NTN1: variants seen among roughly 807,000 people sequenced by gnomAD.
The protein encoded by NTN1 is netrin-1.
Under a neutral mutation model 54.2 loss-of-function variants are expected in NTN1, and 11 were observed. The ratio of observed to expected loss-of-function variants is 0.20; its 90% confidence interval spans 0.13 to 0.34. The LOEUF (loss-of-function observed/expected upper bound fraction) is 0.34. NTN1 is among the 10% of genes least tolerant of loss of function. NTN1 has a pLI of 1.00. For missense variants in NTN1, 740 were observed against 893.1 expected (o/e 0.83, Z 2.18); for synonymous variants, 371 against 382.0 (o/e 0.97, Z 0.33).
At chr17:9,182,806 T>C (rs2092422349) in intron 4 of NTN1, 110 bp from the exon 5 acceptor site, 5 of 1,074,078 alleles carry the variant, frequency 4.7e-6, no homozygotes, top group South Asian at 3.8e-5. Flanking sequence ...GAGGGGAGGG[T>C]CCCAGGAAGT....
chr17:9,024,294 C>T (rs1354494604), intron 2 of NTN1, among the ~76,000 whole-genome samples: 1 of 152,182 alleles, frequency 6.6e-6, no homozygotes, highest in East Asian at 1.9e-4. Flanking sequence ...AAATCAGTTT[C>T]TCCCCATAAA....
chr17:9,022,595 G>A lies in NTN1; in HGVS notation c.222G>A (p.Pro74=), dbSNP rs1244872154. Residue 74 remains proline (P), a synonymous_variant, in exon 2 of 7, where the codon CCG becomes CCA. Coordinates refer to ENST00000173229, the MANE Select transcript of NTN1 (RefSeq NM_004822.3). ...VRVSSTCGRP[P]ARYCVVSERG... ...TGTCCAGCACCTGCGGCCGGCCCCC[G>A]GCGCGCTACTGCGTGGTGAGCGAGC... 2 of 1,546,224 alleles carry A rather than the reference G, an allele frequency of 1.3e-6. No homozygotes were observed. Among genetic ancestry groups the A allele is most frequent in the Non-Finnish European group, 1.7e-6 (2 of 1,145,948 alleles).
chr17:9,229,545 C>T (rs542889787), intron 6 of NTN1, among the ~76,000 whole-genome samples: 2 of 152,130 alleles, frequency 1.3e-5, no homozygotes, highest in Non-Finnish European at 2.9e-5. Flanking sequence ...GGAGTAGGCG[C>T]GGCAGTCCTT....
At chr17:9,048,650 G>A (rs1453287894) in intron 2 of NTN1, among the ~76,000 whole-genome samples, 1 of 151,458 alleles carries the variant, frequency 6.6e-6, no homozygotes, top group Non-Finnish European at 1.5e-5. Flanking sequence ...GTGTAGTGTA[G>A]CCACTTTTTT....
At chr17:9,083,154 A>G (rs1160682618) in intron 2 of NTN1, among the ~76,000 whole-genome samples, 1 of 151,974 alleles carries the variant, frequency 6.6e-6, no homozygotes, top group Non-Finnish European at 1.5e-5. Context: ...GCTAGAGTGC[A>G]GTGGCTTGAG....
At position 9,163,010 on chromosome 17, in the gene NTN1, C is replaced by CA; in HGVS notation, c.1207+10dup. The stretch of plus-strand genomic sequence containing the variant: ...CCGGAAGGCCTGCAAAGGTGGGCTA[C>CA]ACGTGGCGGGGCGGGGGGCTGGGGA... On this transcript the variant is annotated intron_variant, in intron 3 of 6. Transcript: ENST00000173229. 1 of 1,596,006 alleles carries CA rather than the reference C, an allele frequency of 6.3e-7. No individual in the cohort carries two copies. The highest frequency in any genetic ancestry group is 8.5e-7 in the Non-Finnish European group (1 of 1,169,656).
intron 5 of NTN1, among the ~76,000 whole-genome samples, chr17:9,217,571 C>T (rs1242648157): frequency 3.3e-5 from 5 of 152,174 alleles, no homozygotes; most frequent in East Asian, 3.9e-4. Flanking sequence ...TTTCCTTATT[C>T]GGGGGCCATT....
intron 2 of NTN1, among the ~76,000 whole-genome samples, chr17:9,092,432 C>T (rs926664301): frequency 1.4e-5 from 2 of 146,994 alleles, no homozygotes; most frequent in Admixed American, 7.1e-5. Flanking sequence ...GTATTATAGG[C>T]GCAAACCACC....
Position 9,022,529 on chromosome 17 carries a change from C to A in NTN1, c.156C>A (p.Ile52=). The A allele has an allele frequency of 6.4e-7, 1 of 1,550,600 alleles. No individual in the cohort carries two copies. The highest frequency in any genetic ancestry group is 1.2e-5 in the South Asian group (1 of 84,624). Reference sequence around the variant, plus strand: ...AGAACGGCCACCCGCGCCGCTGCATCCCGGACTTTGTCAATGCGGCCTTCG... The same window carrying A: ...AGAACGGCCACCCGCGCCGCTGCATACCGGACTTTGTCAATGCGGCCTTCG... ...SDENGHPRRC[I]PDFVNAAFGK... is the part of the protein sequence containing the mutation. The change falls in exon 2 of 7, where the codon ATC becomes ATA. Residue 52 remains isoleucine, a synonymous_variant. Transcript: ENST00000173229.
At chr17:9,104,793 G>GCCCAC (rs2092160748) in intron 2 of NTN1, among the ~76,000 whole-genome samples, 1 of 152,192 alleles carries the variant, frequency 6.6e-6, no homozygotes, top group African/African-American at 2.4e-5. Context: ...GGGCGATTTG[G>GCCCAC]CCCACGGAAG....
chr17:9,170,506 A>C (rs938891046), intron 3 of NTN1, among the ~76,000 whole-genome samples: 2 of 152,216 alleles, frequency 1.3e-5, no homozygotes, highest in African/African-American at 4.8e-5. Context: ...CAATTCCCAC[A>C]GGACTGGGCA....
chr17:9,081,537 G>A (rs1414046683), intron 2 of NTN1, among the ~76,000 whole-genome samples: 4 of 151,892 alleles, frequency 2.6e-5, no homozygotes, highest in African/African-American at 9.7e-5. Context: ...CTCACCTCTC[G>A]TCCTCCACCC....
intron 2 of NTN1, among the ~76,000 whole-genome samples, chr17:9,050,845 C>A (rs2091958250): frequency 6.6e-6 from 1 of 152,062 alleles, no homozygotes; most frequent in South Asian, 2.1e-4. Context: ...AGTGCAGTGC[C>A]TGCCTTACCA....
chr17:9,137,933 C>T lies in NTN1; in HGVS notation c.1019-24880C>T, dbSNP rs1452870914. ...TTCGGGATGGCCAGGCCAGGGCCCA[C>T]GTGCCTGCAGTGAGCTCAGGGCGGG... On this transcript the variant is annotated intron_variant, in intron 2 of 6. Transcript: ENST00000173229. 2.6e-5 allele frequency among the ~76,000 whole-genome samples: 4 copies of T among 152,334 alleles called. No homozygotes were observed. In the East Asian group the frequency reaches 5.8e-4, roughly 22 times the overall value.
In NTN1 at chr17:9,239,407, C is replaced by T. The variant is rs556489406; in HGVS notation, c.1487-233C>T. On this transcript the variant is annotated intron_variant, in intron 6 of 6. Transcript: ENST00000173229. The surrounding 1 kb of genome is among the most constrained non-coding windows in gnomAD (Gnocchi z 5.2). ...GACAAGGCCAGGAGATGGCTTGTCC[C>T]GACGGCAGTGCTGGGTGGCACCCTC... is the stretch of plus-strand genomic sequence containing the variant. 7.7e-4 allele frequency among the ~76,000 whole-genome samples: 117 copies of T among 152,274 alleles called. No individual in the cohort carries two copies. The highest frequency in any genetic ancestry group is 2.7e-3 in the African/African-American group (111 of 41,556).
At chr17:9,096,366 C>CCTT (rs55880198) in intron 2 of NTN1, among the ~76,000 whole-genome samples, 7,898 of 90,440 alleles carry the variant, frequency 0.087, 1,290 homozygotes, top group Middle Eastern at 0.11. Context: ...TATGGGTAGA[C>CCTT]TTTTTTTTTT....
intron 2 of NTN1, among the ~76,000 whole-genome samples, chr17:9,028,247 G>A (rs911067764): frequency 6.6e-6 from 1 of 152,208 alleles, no homozygotes; most frequent in Non-Finnish European, 1.5e-5. Context: ...GAGGTGGATG[G>A]GGGATGGTAT....
chr17:9,087,489 G>A (rs750177431), intron 2 of NTN1, among the ~76,000 whole-genome samples: 2 of 152,198 alleles, frequency 1.3e-5, no homozygotes, highest in South Asian at 2.1e-4. Flanking sequence ...GGAGGGGACC[G>A]TGATTGGCTT....
At chr17:9,083,778 C>A (rs1047486785) in intron 2 of NTN1, among the ~76,000 whole-genome samples, 1 of 152,184 alleles carries the variant, frequency 6.6e-6, no homozygotes, top group Non-Finnish European at 1.5e-5. Flanking sequence ...CTGAATGAAC[C>A]CGGTTCTACC....
Sources: gnomAD v4.1 joint callset for allele counts (sites outside exome capture counted in the v4.1 genomes callset) on GRCh38, gnomAD v4.1.1 for gene constraint, Gnocchi (gnomAD v3.1) non-coding constraint, MANE v1.5 for transcripts, NCBI Gene and HGNC (gene_info 2026-07-23, HGNC 2026-07-21) for gene names.